Variants in EXOSC10 observed in about 807,000 individuals in gnomAD.
The protein encoded by EXOSC10 is exosome complex component 10.
In EXOSC10, 94 loss-of-function variants were observed where a neutral mutation model predicts 126.6. The ratio of observed to expected loss-of-function variants is 0.74; its 90% CI spans 0.63 to 0.88. The LOEUF is 0.88. Ranked by LOEUF, EXOSC10 falls within the 40% of genes least tolerant of loss-of-function variation. The probability of loss-of-function intolerance (pLI) is 0.00; values close to 1 mark genes in which losing one functional copy is unlikely to be tolerated. For synonymous variants in EXOSC10, 395 were observed against 400.8 expected, an observed-to-expected ratio of 0.99 and a Z score of 0.17; for missense variants, 1,041 against 1,100.5, an observed-to-expected ratio of 0.95 and a Z score of 0.77.
intron 17 of EXOSC10, among the ~76,000 whole-genome samples, chr1:11,075,224 G>C (rs920001507): frequency 6.6e-6 from 1 of 151,982 alleles, no homozygotes; most frequent in Non-Finnish European, 1.5e-5. Context: ...TCACCATGTT[G>C]GCCAGGCTGG....
chr1:11,082,486 T>C, intron 10 of EXOSC10: 1 of 1,300,714 alleles, frequency 7.7e-7, no homozygotes, highest in Non-Finnish European at 1.0e-6. Context: ...ACAGTGTAAC[T>C]GCATCAGCCC....
At chr1:11,087,343 C>G (rs1019842853) in intron 9 of EXOSC10, 105 bp downstream of exon 9, 1 of 1,337,444 alleles carries the variant, frequency 7.5e-7, no homozygotes, top group African/African-American at 1.5e-5. Context: ...TGACATGATT[C>G]CTCCCAACTT....
intron 9 of EXOSC10, among the ~76,000 whole-genome samples, chr1:11,084,257 G>T (rs530189580): frequency 6.6e-5 from 10 of 152,294 alleles, no homozygotes; most frequent in Admixed American, 2.6e-4. Context: ...GTGTAAAAGT[G>T]TTCCTATTTC....
chr1:11,078,581 C>A (rs1639960202), intron 14 of EXOSC10, among the ~76,000 whole-genome samples: 1 of 151,758 alleles, frequency 6.6e-6, no homozygotes, highest in African/African-American at 2.4e-5. Context: ...ACAACAACAA[C>A]AACAAAAAAA....
chr1:11,078,336 C>T (rs1223423734), intron 14 of EXOSC10, among the ~76,000 whole-genome samples: 1 of 150,858 alleles, frequency 6.6e-6, no homozygotes, highest in Admixed American at 6.6e-5. Context: ...CGGCTCACTG[C>T]AAGCTCCGCC....
chr1:11,096,657 T>C (rs1252309548), intron 2 of EXOSC10, among the ~76,000 whole-genome samples: 1 of 151,432 alleles, frequency 6.6e-6, no homozygotes, highest in Non-Finnish European at 1.5e-5. Flanking sequence ...TTAAAAATTT[T>C]TTGTAGGGAT....
At chr1:11,075,886 C>T (rs931569986) in intron 17 of EXOSC10, among the ~76,000 whole-genome samples, 1 of 119,464 alleles carries the variant, frequency 8.4e-6, no homozygotes, top group African/African-American at 3.4e-5. Context: ...AAAAAAAATG[C>T]CGGGTGTGGT....
At chr1:11,081,280 G>A (rs771625021) in intron 10 of EXOSC10, 42 bp from the exon 11 acceptor site, 2 of 1,604,780 alleles carry the variant, frequency 1.2e-6, no homozygotes, top group South Asian at 2.2e-5. Context: ...TGCCCCCAAG[G>A]ACAGCAATTC....
intron 19 of EXOSC10, 111 bp from the exon 20 acceptor site, chr1:11,072,282 T>C (rs112859827): frequency 1.4e-6 from 1 of 705,044 alleles, no homozygotes. Context: ...GTACACACAT[T>C]CTAAGTCATA....
chr1:11,091,075 G>T lies in EXOSC10; in HGVS notation c.582C>A (p.Ser194=), dbSNP rs554820905. The change falls in exon 5 of 25, where the codon TCC becomes TCA. Residue 194 remains serine, a synonymous_variant. Transcript: ENST00000376936. ...AGATTTTAGGAAGAAATGGTGTGTT[G>T]GAATTGTCAATCTTCTCTCGAAACT... is the stretch of plus-strand genomic sequence containing the variant. ...QLKFREKIDN[S]NTPFLPKIFI... 5.6e-5 allele frequency: 90 copies of T among 1,614,146 alleles called. No homozygotes were observed. In the South Asian group the frequency reaches 8.9e-4, roughly 16 times the overall value.
intron 22 of EXOSC10, 63 bp from the exon 23 acceptor site, chr1:11,068,769 T>C: frequency 7.5e-7 from 1 of 1,333,038 alleles, no homozygotes. Context: ...CATCACAGGC[T>C]CACAGCGAGG....
rs989343017 is a variant in EXOSC10, at chr1:11,074,276, T to C, written c.2037A>G (p.Lys679=). 2 of 1,614,216 alleles carry C rather than the reference T, an allele frequency of 1.2e-6. No individual in the cohort carries two copies. Among genetic ancestry groups the C allele is most frequent in the Non-Finnish European group, 8.5e-7 (1 of 1,180,034 alleles). Residue 679 remains lysine, a synonymous_variant, in exon 18 of 25, where the codon AAA becomes AAG. Coordinates refer to ENST00000376936, the MANE Select transcript of EXOSC10 (RefSeq NM_001001998.3). ...AGGACTCCATGATGTTCTGGGCTTT[T>C]TTCTGTGCAACTGTCAATGGACCCT... ...SKKGPLTVAQ[K]KAQNIMESFE... is the part of the protein sequence containing the mutation.
At chr1:11,075,238 CA>C (rs1639741697) in intron 17 of EXOSC10, among the ~76,000 whole-genome samples, 1 of 151,808 alleles carries the variant, frequency 6.6e-6, no homozygotes, top group Admixed American at 6.6e-5. Flanking sequence ...AGGCTGGTCT[CA>C]AACTCCTGAC....
intron 15 of EXOSC10, 34 bp from the exon 16 acceptor site, chr1:11,077,477 A>G: frequency 6.2e-7 from 1 of 1,604,738 alleles, no homozygotes; most frequent in South Asian, 1.1e-5. Context: ...CTGGCATGTA[A>G]AACGTGCAAG....
In EXOSC10 at chr1:11,090,539, C is replaced by T. The variant is rs558641923; in HGVS notation, c.758+15G>A. The T allele has an allele frequency of 3.7e-6, 6 of 1,604,986 alleles. No individual in the cohort carries two copies. Among genetic ancestry groups the T allele is most frequent in the Non-Finnish European group, 5.1e-6 (6 of 1,172,002 alleles). Reference sequence around the variant, plus strand: ...AGTACTCACGGCAGAAAGTCAGACACAGGCCAACACTTACATGTCTTGCTC... The same window carrying T: ...AGTACTCACGGCAGAAAGTCAGACATAGGCCAACACTTACATGTCTTGCTC... On this transcript the variant is annotated intron_variant, in intron 6 of 24. Transcript: ENST00000376936.
In EXOSC10 at chr1:11,089,627, AAAAAAAAAAGAAAG is replaced by A. The variant is rs1393238005; in HGVS notation, c.758+913_758+926del. Among the ~76,000 whole-genome samples, 535 of 150,854 alleles carry A rather than the reference AAAAAAAAAAGAAAG, an allele frequency of 3.5e-3. 8 individuals carry two copies. The highest frequency in any genetic ancestry group is 0.012 in the African/African-American group (507 of 40,714). On this transcript the variant is annotated intron_variant, in intron 6 of 24. Coordinates refer to ENST00000376936, the MANE Select transcript of EXOSC10 (RefSeq NM_001001998.3). ...CAAGAGCGAAACTCCGTCCCAAAAA[AAAAAAAAAAGAAAG>A]AAAGAAAGAAAGAAAGAAAACATGG...
rs368046763 is a variant in EXOSC10, at chr1:11,087,456, T to C, written c.1081A>G (p.Ile361Val). 5.6e-6 allele frequency: 9 copies of C among 1,613,940 alleles called. No individual in the cohort carries two copies. The highest frequency in any genetic ancestry group is 7.6e-6 in the Non-Finnish European group (9 of 1,180,006). The change falls in exon 9 of 25, where the codon ATC (isoleucine) becomes GTC (valine). Residue 361 changes from isoleucine (I) to valine (V), a missense_variant. This residue lies in a region of EXOSC10 where 645 missense variants were observed against 656.3 expected (regional missense o/e 0.98). Coordinates refer to ENST00000376936, the MANE Select transcript of EXOSC10 (RefSeq NM_001001998.3). ...ILNESLTDPA[I>V]VKVFHGADSD... ...ACAAAAGGCTGGCTGACCTTAACGA[T>C]GGCTGGGTCTGTGAGGCTCTCATTG...
intron 17 of EXOSC10, 101 bp downstream of exon 17, chr1:11,076,741 T>C: frequency 1.1e-6 from 1 of 913,998 alleles, no homozygotes; most frequent in East Asian, 2.4e-5. Flanking sequence ...TCAGCATTAG[T>C]CTCCGAGTGT....
In EXOSC10 at chr1:11,088,127, G is replaced by C. The variant is rs1022141081; in HGVS notation, c.830C>G (p.Pro277Arg). The C allele has an allele frequency of 1.9e-6, 3 of 1,612,792 alleles. No homozygotes were observed. In the African/African-American group the frequency reaches 4.0e-5, roughly 22 times the overall value. ...PADAVLQKPQ[P>R]QLYRPIEETP... ...AAACTAAGGCTGGGTACTAACCTGG[G>C]GTTGTGGCTTTTGAAGCACTGCATC... The change falls in exon 7 of 25, where the codon CCC (proline) becomes CGC (arginine). Residue 277 changes from proline to arginine, a missense_variant. Physicochemically the swap from Pro to Arg is moderately radical, Grantham distance 103. Transcript: ENST00000376936.
Sources: gnomAD v4.1 joint callset for allele counts (sites outside exome capture counted in the v4.1 genomes callset) on GRCh38, gnomAD v4.1.1 for gene constraint, gnomAD v4.1.1 regional missense constraint, MANE v1.5 for transcripts, NCBI Gene and HGNC (gene_info 2026-07-23, HGNC 2026-07-21) for gene names.